GPC5: variants seen among roughly 807,000 people sequenced by gnomAD.
GPC5 encodes the protein glypican-5.
In GPC5, 47 loss-of-function variants were observed where a neutral mutation model predicts 53.9. The ratio of observed to expected loss-of-function variants is 0.87; its 90% CI spans 0.69 to 1.11. The LOEUF is 1.11. GPC5 is among the 50% of genes most tolerant of loss of function. GPC5 has a pLI of 0.00. For synonymous variants in GPC5, 286 were observed against 263.3 expected, an observed-to-expected ratio of 1.09 and a Z score of -0.84; for missense variants, 748 against 713.1, an observed-to-expected ratio of 1.05 and a Z score of -0.56.
intron 7 of GPC5, among the ~76,000 whole-genome samples, chr13:92,398,392 G>A (rs1594167891): frequency 7.8e-6 from 1 of 127,428 alleles, no homozygotes; most frequent in Non-Finnish European, 1.5e-5. Flanking sequence ...TCCCGCCACT[G>A]CACTCCAGCC....
At chr13:92,754,338 A>G (rs925970656) in intron 7 of GPC5, among the ~76,000 whole-genome samples, 1 of 152,216 alleles carries the variant, frequency 6.6e-6, no homozygotes, top group Admixed American at 6.5e-5. Flanking sequence ...AGCGCTAAAC[A>G]TGGAAATGCA....
chr13:91,571,867 G>GTA (rs755038276), intron 2 of GPC5, among the ~76,000 whole-genome samples: 1 of 102,940 alleles, frequency 9.7e-6, no homozygotes, highest in Non-Finnish European at 2.1e-5. Context: ...ATACGTGTGT[G>GTA]TATATATACA....
At chr13:91,843,813 C>T (rs752850308) in intron 5 of GPC5, among the ~76,000 whole-genome samples, 2 of 152,058 alleles carry the variant, frequency 1.3e-5, no homozygotes, top group Non-Finnish European at 2.9e-5. Context: ...AAACAGCTGC[C>T]AAAGTAAAAT....
At chr13:92,562,769 C>A (rs147496450) in intron 7 of GPC5, among the ~76,000 whole-genome samples, 28 of 152,130 alleles carry the variant, frequency 1.8e-4, no homozygotes, top group Non-Finnish European at 3.2e-4. Flanking sequence ...AACAGTAACA[C>A]ACCTTGTTTG....
chr13:91,435,539 C>T (rs1879869195), intron 1 of GPC5, among the ~76,000 whole-genome samples: 1 of 152,160 alleles, frequency 6.6e-6, no homozygotes, highest in Admixed American at 6.5e-5. Flanking sequence ...ATGAAGCCCA[C>T]TTGATCATGG....
intron 7 of GPC5, among the ~76,000 whole-genome samples, chr13:92,290,529 T>C (rs983929581): frequency 6.6e-6 from 1 of 152,174 alleles, no homozygotes; most frequent in African/African-American, 2.4e-5. Context: ...TGTGTCATTC[T>C]TATGTCATTG....
chr13:92,758,624 G>A (rs537982815), intron 7 of GPC5, among the ~76,000 whole-genome samples: 145 of 152,230 alleles, frequency 9.5e-4, no homozygotes, highest in African/African-American at 3.4e-3. Flanking sequence ...GCCAGAAGAT[G>A]AGCTGACGTC....
rs1270907204 is a variant in GPC5, at chr13:92,491,031, T to G, written c.1561+346042T>G. On this transcript the variant is annotated intron_variant, in intron 7 of 7. Coordinates refer to ENST00000377067, the MANE Select transcript of GPC5 (RefSeq NM_004466.6). ...ACTGAGAAGGACTCAGATGGTCTCGTTACTATATGGAACCAAGTTTCTGCT... is the reference window on the plus strand; with the variant it reads ...ACTGAGAAGGACTCAGATGGTCTCGGTACTATATGGAACCAAGTTTCTGCT... Among the ~76,000 whole-genome samples, 3 of 152,110 alleles carry G rather than the reference T, an allele frequency of 2.0e-5. No individual in the cohort carries two copies. In the East Asian group the frequency reaches 5.8e-4, roughly 29 times the overall value.
chr13:91,503,924 A>T (rs1174097620), intron 2 of GPC5, among the ~76,000 whole-genome samples: 1 of 151,492 alleles, frequency 6.6e-6, no homozygotes, highest in Non-Finnish European at 1.5e-5. Context: ...ATTCTTCAGT[A>T]ATATTGATGT....
intron 7 of GPC5, among the ~76,000 whole-genome samples, chr13:92,439,509 G>A (rs1877460308): frequency 6.6e-6 from 1 of 152,084 alleles, no homozygotes; most frequent in Non-Finnish European, 1.5e-5. Context: ...AACACTAAGA[G>A]TTGGAGGAAC....
At chr13:91,549,415 A>G (rs2030494093) in intron 2 of GPC5, among the ~76,000 whole-genome samples, 1 of 152,160 alleles carries the variant, frequency 6.6e-6, no homozygotes. Flanking sequence ...CTTCACTACA[A>G]TTTAAAAGCC....
At chr13:92,673,129 CATA>C (rs1386379721) in intron 7 of GPC5, among the ~76,000 whole-genome samples, 7 of 151,140 alleles carry the variant, frequency 4.6e-5, no homozygotes, top group Non-Finnish European at 1.0e-4. Flanking sequence ...TTATGCATGA[CATA>C]ATATGTTATT....
intron 7 of GPC5, among the ~76,000 whole-genome samples, chr13:92,676,008 TG>T (rs1886925850): frequency 6.6e-6 from 1 of 152,192 alleles, no homozygotes; most frequent in Admixed American, 6.5e-5. Context: ...TAAAAGTAAA[TG>T]GCACTATTTT....
At chr13:91,964,170 G>C (rs958966215) in intron 6 of GPC5, among the ~76,000 whole-genome samples, 1 of 152,196 alleles carries the variant, frequency 6.6e-6, no homozygotes, top group African/African-American at 2.4e-5. Context: ...CAGGATTGAA[G>C]CTGCAGACCT....
chr13:92,830,895 G>A (rs1464904118), intron 7 of GPC5, among the ~76,000 whole-genome samples: 1 of 152,052 alleles, frequency 6.6e-6, no homozygotes, highest in African/African-American at 2.4e-5. Context: ...TATTTAACTT[G>A]GAGAAAGAAA....
Position 91,511,662 on chromosome 13 carries a change from A to G in GPC5, c.325+62740A>G, listed in dbSNP as rs1334436388. 4.0e-5 allele frequency among the ~76,000 whole-genome samples: 6 copies of G among 151,736 alleles called. No homozygotes were observed. The East Asian group carries it at 1.2e-3, about 29-fold the overall frequency. ...CTCTGATATCAAGACTATTGTATGAATTCTTCATTTCTGATCACATATTTT... is the reference window on the plus strand; with the variant it reads ...CTCTGATATCAAGACTATTGTATGAGTTCTTCATTTCTGATCACATATTTT... On this transcript the variant is annotated intron_variant, in intron 2 of 7. Transcript: ENST00000377067.
At chr13:92,751,536 C>T (rs562206765) in intron 7 of GPC5, among the ~76,000 whole-genome samples, 1 of 143,546 alleles carries the variant, frequency 7.0e-6, no homozygotes, top group East Asian at 2.1e-4. Flanking sequence ...CTTTCGGTAA[C>T]ACATGAGTCT....
At position 92,366,640 on chromosome 13, in the gene GPC5, G is replaced by A. The variant is rs144718625; in HGVS notation, c.1561+221651G>A. Among the ~76,000 whole-genome samples, 654 of 148,228 alleles carry A rather than the reference G, an allele frequency of 4.4e-3. 31 individuals carry two copies. The highest frequency in any genetic ancestry group is 0.016 in the African/African-American group (616 of 37,710). On this transcript the variant is annotated intron_variant, in intron 7 of 7. Coordinates refer to ENST00000377067, the MANE Select transcript of GPC5 (RefSeq NM_004466.6). ...GATATTCTCAGATTTGGGTGCTATC[G>A]TGGCTAAGGCCACGAGCATTTACAG... is the stretch of plus-strand genomic sequence containing the variant.
chr13:92,246,051 C>T (rs1470246263), intron 7 of GPC5, among the ~76,000 whole-genome samples: 1 of 150,210 alleles, frequency 6.7e-6, no homozygotes, highest in Non-Finnish European at 1.5e-5. Flanking sequence ...ATCGTATCAC[C>T]CATGATCACC....
Sources: allele counts gnomAD v4.1 joint callset (sites outside exome capture counted in the v4.1 genomes callset), GRCh38; gene constraint gnomAD v4.1.1; transcripts MANE v1.5; gene names NCBI Gene and HGNC (gene_info 2026-07-23, HGNC 2026-07-21).